The following ETV4 variants were observed in gnomAD, a reference collection of about 807,000 sequenced individuals.
ETV4 encodes ETS variant transcription factor 4, also known as ETS translocation variant 4.
In ETV4, 42 loss-of-function variants were observed where a neutral mutation model predicts 65.9. The observed-to-expected ratio is 0.64, with a 90% CI of 0.50 to 0.82. The LOEUF is 0.82. Ranked by LOEUF, ETV4 falls within the 40% of genes least tolerant of loss-of-function variation. The pLI is 0.00. For synonymous variants in ETV4, 238 were observed against 260.0 expected, an observed-to-expected ratio of 0.92 and a Z score of 0.81; for missense variants, 583 against 630.3, an observed-to-expected ratio of 0.92 and a Z score of 0.80.
At chr17:43,537,548 T>C (rs1291060422) in intron 4 of ETV4, among the ~76,000 whole-genome samples, 1 of 149,370 alleles carries the variant, frequency 6.7e-6, no homozygotes, top group Admixed American at 6.7e-5. Flanking sequence ...ATTAAAAAAT[T>C]AGTCAGGCGT....
chr17:43,542,610 C>A (rs959470363), intron 4 of ETV4, among the ~76,000 whole-genome samples: 3 of 152,152 alleles, frequency 2.0e-5, no homozygotes, highest in Non-Finnish European at 4.4e-5. Context: ...ATCATTCACC[C>A]CTGTGTACAA....
Position 43,528,510 on chromosome 17 carries a change from C to T in ETV4, c.*9G>A, listed in dbSNP as rs570890035. On this transcript the variant is annotated 3_prime_UTR_variant, in exon 13 of 13. Transcript: ENST00000319349. ...ACCCACCTGCGGCAGGGGGAACAGCCGCTGGGGGCTAGTAAGAGTAGCCAC... is the reference window on the plus strand; with the variant it reads ...ACCCACCTGCGGCAGGGGGAACAGCTGCTGGGGGCTAGTAAGAGTAGCCAC... The T allele has an allele frequency of 3.7e-5, 58 of 1,586,580 alleles. No homozygotes were observed. The highest frequency in any genetic ancestry group is 5.4e-5 in the African/African-American group (4 of 74,300).
Position 43,528,530 on chromosome 17 carries a change from A to G in ETV4, c.1444T>C (p.Tyr482His), listed in dbSNP as rs1970699859. Reference sequence around the variant, plus strand: ...ACAGCCGCTGGGGGCTAGTAAGAGTAGCCACCCTTGGGGCCAAATGGCTGG... The same window carrying G: ...ACAGCCGCTGGGGGCTAGTAAGAGTGGCCACCCTTGGGGCCAAATGGCTGG... ...PAQPFGPKGG[Y>H]SY The change falls in exon 13 of 13, where the codon TAC (tyrosine) becomes CAC (histidine). Residue 482 changes from tyrosine (Y) to histidine (H), a missense_variant. Tyr to His is a moderately conservative substitution (Grantham distance 83). Transcript: ENST00000319349. 6.2e-7 allele frequency: 1 copy of G among 1,608,518 alleles called. No homozygotes were observed.
chr17:43,546,006 C>G (rs559292033), intron 1 of ETV4, 179 bp downstream of exon 1: 1 of 249,714 alleles, frequency 4.0e-6, no homozygotes, highest in East Asian at 1.0e-4. Context: ...GAGGAGCAGG[C>G]GAAGCGCACA....
In ETV4 at chr17:43,545,629, C is replaced by G; in HGVS notation, c.-12G>C. ...ATCCTCCGCTCCATCCGGCCGCTCC[C>G]TCCGGCCGCACGGCCGGGGCCCCAA... is the stretch of plus-strand genomic sequence containing the variant. On this transcript the variant is annotated 5_prime_UTR_variant, in exon 2 of 13. Transcript: ENST00000319349. 1 of 1,550,348 alleles carries G rather than the reference C, an allele frequency of 6.5e-7. No homozygotes were observed. The highest frequency in any genetic ancestry group is 8.7e-7 in the Non-Finnish European group (1 of 1,146,776).
At chr17:43,539,255 T>C (rs1317691436) in intron 4 of ETV4, among the ~76,000 whole-genome samples, 1 of 152,216 alleles carries the variant, frequency 6.6e-6, no homozygotes, top group Non-Finnish European at 1.5e-5. Flanking sequence ...TCTGGTCTCC[T>C]TTCTAGCCCT....
chr17:43,538,126 G>A (rs1971340033), intron 4 of ETV4, among the ~76,000 whole-genome samples: 1 of 135,868 alleles, frequency 7.4e-6, no homozygotes, highest in Admixed American at 7.6e-5. Context: ...GGGTGACAGA[G>A]CAAGACTCCA....
intron 5 of ETV4, among the ~76,000 whole-genome samples, chr17:43,535,653 G>A (rs917174821): frequency 7.9e-5 from 12 of 152,124 alleles, no homozygotes; most frequent in African/African-American, 1.2e-4. Context: ...TGTAAGGAGC[G>A]GTCCTGAGCA....
At chr17:43,529,978 C>T (rs1053680921) in intron 9 of ETV4, 26 bp from the exon 10 acceptor site, 13 of 1,613,922 alleles carry the variant, frequency 8.1e-6, no homozygotes, top group Middle Eastern at 3.3e-4. Context: ...GGGGGTTGCT[C>T]AGATCTGGGG....
Position 43,544,965 on chromosome 17 carries a change from A to AACT in ETV4, c.202+7_202+9dup, listed in dbSNP as rs1333549650. The AACT allele has an allele frequency of 6.2e-7, 1 of 1,613,792 alleles. No homozygotes were observed. The highest frequency in any genetic ancestry group is 1.1e-5 in the South Asian group (1 of 91,048). ...CCTCCCAAAATAGAAAAGGTCACAA[A>AACT]ACTACTCACCTTCAGCGAGCCACGT... On this transcript the variant is annotated intron_variant, in intron 4 of 12. Transcript: ENST00000319349.
Position 43,545,381 on chromosome 17 carries a change from G to T in ETV4, c.61-14C>A, listed in dbSNP as rs751217718. On this transcript the variant is annotated splice_polypyrimidine_tract_variant and intron_variant, in intron 2 of 12. Transcript: ENST00000319349. ...TCCGGGCGATTTCTGCGAGAAGCGG[G>T]GAGAATGCCCGCGAGTCACCCTGAG... The T allele has an allele frequency of 6.4e-7, 1 of 1,569,288 alleles. No individual in the cohort carries two copies. Among genetic ancestry groups the T allele is most frequent in the South Asian group, 1.2e-5 (1 of 85,506 alleles).
intron 4 of ETV4, 90 bp downstream of exon 4, chr17:43,544,885 G>A: frequency 8.1e-7 from 1 of 1,240,988 alleles, no homozygotes; most frequent in South Asian, 1.2e-5. Flanking sequence ...AGGGAGAGGA[G>A]AAGTGTAGGG....
intron 8 of ETV4, among the ~76,000 whole-genome samples, chr17:43,531,880 T>G (rs552417010): frequency 5.9e-5 from 9 of 152,332 alleles, no homozygotes; most frequent in African/African-American, 1.9e-4. Context: ...TTCCCAACTC[T>G]GCACACTCGT....
intron 8 of ETV4, among the ~76,000 whole-genome samples, chr17:43,531,126 G>A (rs1970911242): frequency 2.0e-5 from 3 of 152,298 alleles, no homozygotes; most frequent in African/African-American, 7.2e-5. Context: ...GTTCTTAGTT[G>A]GACAGCCTGG....
At chr17:43,530,491 A>T in intron 8 of ETV4, 8 of 1,248,724 alleles carry the variant, frequency 6.4e-6, no homozygotes, top group Non-Finnish European at 8.3e-6. Context: ...GTTCAGGGGG[A>T]GGAGGGAGGG....
intron 4 of ETV4, chr17:43,544,021 C>T (rs1971665203): frequency 6.6e-6 from 1 of 152,076 alleles, no homozygotes; most frequent in Non-Finnish European, 1.5e-5. Flanking sequence ...AAGGAAAATA[C>T]CTCAAAAAGA....
intron 4 of ETV4, among the ~76,000 whole-genome samples, chr17:43,537,615 G>C (rs921869547): frequency 1.3e-5 from 2 of 151,886 alleles, no homozygotes; most frequent in Non-Finnish European, 2.9e-5. Flanking sequence ...AGAATTGCTT[G>C]AACCCAGGAG....
chr17:43,532,699 T>A lies in ETV4; in HGVS notation c.786A>T (p.Glu262Asp). 1 of 1,613,700 alleles carries A rather than the reference T, an allele frequency of 6.2e-7. No individual in the cohort carries two copies. Among genetic ancestry groups the A allele is most frequent in the South Asian group, 1.1e-5 (1 of 91,058 alleles). Residue 262 changes from glutamate (E) to aspartate (D), a missense_variant, in exon 8 of 13, where the codon GAA becomes GAT. Physicochemically the swap from Glu to Asp is conservative, Grantham distance 45. Transcript: ENST00000319349. ...CTGAGTCGTAGGCGAAGTCCGTCTG[T>A]TCCTGTTTGATCACCACCCCCGCCC... ...YPGAGVVIKQ[E>D]QTDFAYDSDV...
chr17:43,537,419 C>T (rs541064310), intron 4 of ETV4, among the ~76,000 whole-genome samples: 122 of 151,856 alleles, frequency 8.0e-4, no homozygotes, highest in African/African-American at 2.9e-3. Flanking sequence ...GGTGGCTGGG[C>T]GCAGTGGTTC....
Sources: gnomAD v4.1 joint callset for allele counts (sites outside exome capture counted in the v4.1 genomes callset) on GRCh38, gnomAD v4.1.1 for gene constraint, MANE v1.5 for transcripts, NCBI Gene and HGNC (gene_info 2026-07-23, HGNC 2026-07-21) for gene names.